C14orf93: variants seen among roughly 807,000 people sequenced by gnomAD.
The protein encoded by C14orf93 is uncharacterized protein C14orf93.
A neutral mutation model predicts 44.0 loss-of-function variants in C14orf93; 23 were observed. That is an observed-to-expected ratio of 0.52 (90% CI 0.38 to 0.74). C14orf93 has a LOEUF of 0.74. Ranked by LOEUF, C14orf93 falls within the 30% of genes least tolerant of loss-of-function variation. The pLI, the probability that C14orf93 is intolerant of heterozygous loss-of-function variation, is 0.00. For synonymous variants in C14orf93, 253 were observed against 265.7 expected (o/e 0.95, Z 0.46); for missense variants, 579 against 678.9 (o/e 0.85, Z 1.64).
In C14orf93 at chr14:22,987,421, G is replaced by A. The variant is rs768012200; in HGVS notation, c.1411C>T (p.Arg471Cys). 9 of 1,614,262 alleles carry A rather than the reference G, an allele frequency of 5.6e-6. No individual in the cohort carries two copies. Among genetic ancestry groups the A allele is most frequent in the Admixed American group, 5.0e-5 (3 of 60,028 alleles). Residue 471 changes from arginine to cysteine, a missense_variant, in exon 7 of 7, where the codon CGT becomes TGT. By Grantham distance (180) the Arg-to-Cys change is radical. Coordinates refer to ENST00000299088, the MANE Select transcript of C14orf93 (RefSeq NM_021944.4). The surrounding 1 kb of genome is among the most constrained non-coding windows in gnomAD (Gnocchi z 5.6). Reference sequence around the variant, plus strand: ...CTGTCTGAGGGAGGCCCATACACACGGTTGGCTTTGGTGCCATGCTTAGAG... The same window carrying A: ...CTGTCTGAGGGAGGCCCATACACACAGTTGGCTTTGGTGCCATGCTTAGAG... The part of the protein sequence containing the change: ...ANSKHGTKAN[R>C]VYGPPSDRLP...
At chr14:22,995,863 TG>T (rs1311171016) in intron 3 of C14orf93, 84 bp downstream of exon 3, 11 of 1,304,642 alleles carry the variant, frequency 8.4e-6, no homozygotes, top group African/African-American at 1.5e-5. Flanking sequence ...TCATTCAATA[TG>T]GGAGGCCTAA....
rs2046170655 is a variant in C14orf93 at position 22,999,192 on chromosome 14, C to T, written c.-169G>A. 1.8e-6 allele frequency: 2 copies of T among 1,101,694 alleles called. No individual in the cohort carries two copies. The highest frequency in any genetic ancestry group is 2.5e-6 in the Non-Finnish European group (2 of 794,832). The allele number at this position is 1,101,694 out of a possible 1,614,324, so 68.2% of individuals were successfully genotyped here. On this transcript the variant is annotated 5_prime_UTR_variant, in exon 2 of 7. The change creates a new upstream start codon in the 5' untranslated region. Coordinates refer to ENST00000299088, the MANE Select transcript of C14orf93 (RefSeq NM_021944.4). ...AGAGTAAACAAGCCATGAAGAAGCA[C>T]ACAGTCCATGGCGGCCTCTCCTCGG...
intron 1 of C14orf93, 120 bp from the exon 2 acceptor site, chr14:22,999,522 A>C (rs1385289722): frequency 3.9e-5 from 6 of 154,382 alleles, no homozygotes; most frequent in Non-Finnish European, 8.6e-5. Flanking sequence ...TAAGGTGTTC[A>C]GAACACTTCA....
intron 3 of C14orf93, among the ~76,000 whole-genome samples, chr14:22,991,687 C>T (rs1487988046): frequency 2.6e-5 from 4 of 151,520 alleles, no homozygotes; most frequent in African/African-American, 9.7e-5. Flanking sequence ...TCTCCTGCCT[C>T]AGCCTCCCGA....
chr14:22,987,575 C>T lies in C14orf93; in HGVS notation c.1257G>A (p.Trp419Ter). The T allele has an allele frequency of 6.2e-7, 1 of 1,613,444 alleles. No individual in the cohort carries two copies. Among genetic ancestry groups the T allele is most frequent in the Non-Finnish European group, 8.5e-7 (1 of 1,179,630 alleles). The change falls in exon 7 of 7, where the codon TGG becomes TGA. Residue 419 changes from tryptophan (W) to a stop codon, truncating the protein, a stop_gained. Coordinates refer to ENST00000299088, the MANE Select transcript of C14orf93 (RefSeq NM_021944.4). LOFTEE classifies it high-confidence loss of function. The surrounding 1 kb of genome is among the most constrained non-coding windows in gnomAD (Gnocchi z 5.6). ...RHFGPEDQRL[W>*]NDVTEELMSD... ...ACATCAGTTCCTCTGTCACATCATT[C>T]CACAGACGTTGGTCCTCAGGTCCAA...
intron 5 of C14orf93, among the ~76,000 whole-genome samples, chr14:22,988,557 G>A (rs1211624858): frequency 6.6e-6 from 1 of 152,116 alleles, no homozygotes; most frequent in Non-Finnish European, 1.5e-5. Context: ...CTTGAGGGCA[G>A]TGGCATGGTC....
intron 1 of C14orf93, among the ~76,000 whole-genome samples, chr14:23,009,841 T>G (rs1488635107): frequency 6.6e-6 from 1 of 151,842 alleles, no homozygotes; most frequent in African/African-American, 2.4e-5. Context: ...TCTTAAAATG[T>G]GATTTAAAAA....
chr14:23,003,857 CATATATATATATATAT>C (rs1176882717), intron 1 of C14orf93, among the ~76,000 whole-genome samples: 716 of 18,996 alleles, frequency 0.038, 33 homozygotes, highest in South Asian at 0.074. Flanking sequence ...CTAATATATT[CATATATATATATATAT>C]ATATATATAT....
intron 1 of C14orf93, among the ~76,000 whole-genome samples, chr14:23,008,716 C>G (rs1188464976): frequency 1.3e-5 from 2 of 152,254 alleles, no homozygotes; most frequent in African/African-American, 2.4e-5. Context: ...ACAGGAGGTT[C>G]TGCTCTGCGA....
chr14:22,997,412 T>G (rs564825097), intron 2 of C14orf93, among the ~76,000 whole-genome samples: 7 of 152,270 alleles, frequency 4.6e-5, no homozygotes, highest in Admixed American at 2.0e-4. Context: ...TGGGTGTCTA[T>G]GTCTTGTTGT....
At chr14:22,995,595 G>A (rs1318154949) in intron 3 of C14orf93, among the ~76,000 whole-genome samples, 1 of 148,860 alleles carries the variant, frequency 6.7e-6, no homozygotes, top group Non-Finnish European at 1.5e-5. Context: ...CAGGAGAATC[G>A]CTTGAACCTG....
rs775650152 is a variant in C14orf93 at position 22,998,407 on chromosome 14, C to T, written c.597+20G>A. ...CAGGAAAAGCACCTAGGAGGAATAG[C>T]CCTCTGCTGCCATACTCACAGGATT... On this transcript the variant is annotated intron_variant, in intron 2 of 6. Coordinates refer to ENST00000299088, the MANE Select transcript of C14orf93 (RefSeq NM_021944.4). 2.7e-6 allele frequency: 4 copies of T among 1,503,370 alleles called. No homozygotes were observed. The highest frequency in any genetic ancestry group is 2.7e-6 in the Non-Finnish European group (3 of 1,126,438). The allele number at this position is 1,503,370 out of a possible 1,614,324, so 93.1% of individuals were successfully genotyped here.
chr14:23,003,880 ATATATATATATATATATATTTT>A (rs2046450486), intron 1 of C14orf93, among the ~76,000 whole-genome samples: 2 of 15,986 alleles, frequency 1.3e-4, no homozygotes, highest in Non-Finnish European at 2.4e-4. Flanking sequence ...ATATATATAT[ATATATATATATATATATATTTT>A]TTTTTTTTTT....
intron 1 of C14orf93, among the ~76,000 whole-genome samples, chr14:23,008,581 C>T (rs2046750089): frequency 6.6e-6 from 1 of 152,078 alleles, no homozygotes; most frequent in African/African-American, 2.4e-5. Context: ...CTCAGCACCT[C>T]ATATACCTCC....
At chr14:22,994,180 T>G (rs1188856661) in intron 3 of C14orf93, 1 of 152,190 alleles carries the variant, frequency 6.6e-6, no homozygotes, top group Non-Finnish European at 1.5e-5. Flanking sequence ...AAATTGTAAC[T>G]ATAAACTCAT....
intron 3 of C14orf93, among the ~76,000 whole-genome samples, chr14:22,990,748 C>T (rs1335401606): frequency 1.3e-5 from 2 of 151,398 alleles, no homozygotes; most frequent in Non-Finnish European, 2.9e-5. Context: ...GGATTACAGG[C>T]ATGAGCCACC....
rs1284291161 is a variant in C14orf93, at chr14:22,998,838, C to G, written c.186G>C (p.Leu62=). The G allele has an allele frequency of 1.2e-6, 2 of 1,614,042 alleles. No homozygotes were observed. The highest frequency in any genetic ancestry group is 1.7e-6 in the Non-Finnish European group (2 of 1,180,044). The change falls in exon 2 of 7, where the codon CTG becomes CTC. Residue 62 remains leucine, a synonymous_variant. Transcript: ENST00000299088. ...GLAVQSSEQL[L]HVIYQRVDKA... ...TATCGACCCGCTGGTAGATAACATG[C>G]AGGAGCTGCTCTGAGCTCTGAACAG...
chr14:22,994,806 T>C (rs1485042495), intron 3 of C14orf93, among the ~76,000 whole-genome samples: 1 of 152,104 alleles, frequency 6.6e-6, no homozygotes, highest in Non-Finnish European at 1.5e-5. Context: ...AGAAGGTTTC[T>C]CAACCTCTTC....
At chr14:22,989,705 G>A in intron 5 of C14orf93, 37 bp downstream of exon 5, 2 of 1,383,176 alleles carry the variant, frequency 1.4e-6, no homozygotes, top group Non-Finnish European at 2.1e-6. Context: ...GAGAGGGGGA[G>A]AAAGGATGGC....
Sources: gnomAD v4.1 joint callset for allele counts (sites outside exome capture counted in the v4.1 genomes callset) on GRCh38, gnomAD v4.1.1 for gene constraint, Gnocchi (gnomAD v3.1) non-coding constraint, MANE v1.5 for transcripts, NCBI Gene and HGNC (gene_info 2026-07-23, HGNC 2026-07-21) for gene names.